The following PKP2 variants were observed in gnomAD, a reference collection of about 807,000 sequenced individuals.
The protein encoded by PKP2 is plakophilin 2.
PKP2 carries 73 observed loss-of-function variants against 83.4 expected under a neutral mutation model. That is an observed-to-expected ratio of 0.88 (90% confidence interval 0.72 to 1.06). The LOEUF (loss-of-function observed/expected upper bound fraction) is 1.06. Ranked by LOEUF, PKP2 falls within the 50% of genes least tolerant of loss-of-function variation. The pLI, the probability that PKP2 is intolerant of heterozygous loss-of-function variation, is 0.00. For synonymous variants in PKP2, 409 were observed against 430.4 expected (o/e 0.95, Z 0.62); for missense variants, 966 against 1,065.4 (o/e 0.91, Z 1.30).
At chr12:32,873,745 G>A (rs1317592024) in intron 3 of PKP2, among the ~76,000 whole-genome samples, 2 of 152,008 alleles carry the variant, frequency 1.3e-5, no homozygotes, top group African/African-American at 4.8e-5. Context: ...GGCCAGGCTG[G>A]TCTCAAACTC....
intron 1 of PKP2, among the ~76,000 whole-genome samples, chr12:32,882,069 A>G (rs1956991690): frequency 2.0e-5 from 3 of 152,142 alleles, no homozygotes; most frequent in African/African-American, 7.2e-5. Flanking sequence ...GAGTGCTTAC[A>G]CTATCCCCAC....
intron 5 of PKP2, among the ~76,000 whole-genome samples, chr12:32,847,950 A>G (rs916677570): frequency 5.9e-5 from 9 of 152,048 alleles, no homozygotes; most frequent in African/African-American, 2.2e-4. Context: ...CAAAAACAAA[A>G]AAACCCCAAA....
chr12:32,860,546 A>T (rs1956788812), intron 4 of PKP2, among the ~76,000 whole-genome samples: 1 of 152,180 alleles, frequency 6.6e-6, no homozygotes, highest in Non-Finnish European at 1.5e-5. Context: ...GGTTCCACTT[A>T]ACAAATCTTA....
intron 10 of PKP2, among the ~76,000 whole-genome samples, chr12:32,796,741 G>A (rs1956129834): frequency 6.6e-6 from 1 of 151,920 alleles, no homozygotes; most frequent in Admixed American, 6.6e-5. Context: ...AACAACACAT[G>A]GAAAGATGTA....
rs1220351172 is a variant in PKP2 at position 32,886,734 on chromosome 12, G to GCAAT, written c.224-7706_224-7703dup. ...TGGCTGGGCAGGGTGGCTCACACTA[G>GCAAT]CAATCCTAGCACTTGGGGAGGCTGA... On this transcript the variant is annotated intron_variant, in intron 1 of 12. Coordinates refer to ENST00000340811, the MANE Select transcript of PKP2 (RefSeq NM_001005242.3). 1.2e-4 allele frequency among the ~76,000 whole-genome samples: 19 copies of GCAAT among 152,314 alleles called. No individual in the cohort carries two copies. In the East Asian group the frequency reaches 3.7e-3, roughly 29 times the overall value.
chr12:32,879,495 G>T (rs1295358833), intron 1 of PKP2, among the ~76,000 whole-genome samples: 1 of 152,006 alleles, frequency 6.6e-6, no homozygotes, highest in Non-Finnish European at 1.5e-5. Flanking sequence ...TCACACAATT[G>T]CACTCCAGCC....
chr12:32,794,305 T>C (rs1474357951), intron 11 of PKP2, among the ~76,000 whole-genome samples: 1 of 152,214 alleles, frequency 6.6e-6, no homozygotes, highest in African/African-American at 2.4e-5. Flanking sequence ...ATTCATAATA[T>C]TTGTTTATAA....
intron 5 of PKP2, chr12:32,843,337 T>TA (rs760984583): frequency 7.3e-7 from 1 of 1,364,382 alleles, no homozygotes; most frequent in Non-Finnish European, 9.8e-7. Context: ...AGAGGAAGCA[T>TA]AGGTACTCAG....
chr12:32,867,794 G>C (rs1349158305), intron 4 of PKP2, among the ~76,000 whole-genome samples: 1 of 152,232 alleles, frequency 6.6e-6, no homozygotes, highest in Non-Finnish European at 1.5e-5. Flanking sequence ...GATTGAAAGA[G>C]ACAGAACAGA....
Position 32,889,194 on chromosome 12 carries a change from T to C in PKP2, c.223+7315A>G, listed in dbSNP as rs1202458436. Among the ~76,000 whole-genome samples, 4 of 152,158 alleles carry C rather than the reference T, an allele frequency of 2.6e-5. No individual in the cohort carries two copies. In the East Asian group the frequency reaches 7.7e-4, roughly 29 times the overall value. ...GGAGGGGTAGAAATACCAAGCAAGA[T>C]AAACTGCCTGTGTGTGTTTGGTGGG... On this transcript the variant is annotated intron_variant, in intron 1 of 12. Transcript: ENST00000340811.
At chr12:32,813,863 A>G (rs1375110205) in intron 9 of PKP2, among the ~76,000 whole-genome samples, 1 of 152,166 alleles carries the variant, frequency 6.6e-6, no homozygotes, top group African/African-American at 2.4e-5. Context: ...TTATTAAAAC[A>G]TAACTTTTAT....
chr12:32,875,420 GGGTATT>G (rs1214485425), intron 3 of PKP2, among the ~76,000 whole-genome samples: 1 of 152,190 alleles, frequency 6.6e-6, no homozygotes, highest in Non-Finnish European at 1.5e-5. Context: ...CAGGTGGTTT[GGGTATT>G]GGTATGTGGG....
intron 4 of PKP2, among the ~76,000 whole-genome samples, chr12:32,867,307 G>A (rs748782159): frequency 1.6e-4 from 25 of 152,162 alleles, no homozygotes; most frequent in Non-Finnish European, 3.5e-4. Flanking sequence ...CAGCCTAAGC[G>A]ACACAGTGAG....
intron 6 of PKP2, among the ~76,000 whole-genome samples, chr12:32,832,297 G>A (rs1956507783): frequency 6.6e-6 from 1 of 151,996 alleles, no homozygotes; most frequent in Non-Finnish European, 1.5e-5. Context: ...AGAATTACTT[G>A]AACCTGGGAA....
chr12:32,877,722 A>C, intron 3 of PKP2, 124 bp downstream of exon 3: 1 of 791,180 alleles, frequency 1.3e-6, no homozygotes, highest in Non-Finnish European at 2.2e-6. Flanking sequence ...AAAAGTCATT[A>C]TTTTAATCAC....
At chr12:32,806,409 A>G (rs906465637) in intron 9 of PKP2, among the ~76,000 whole-genome samples, 1 of 152,054 alleles carries the variant, frequency 6.6e-6, no homozygotes, top group African/African-American at 2.4e-5. Context: ...TTGGTCTACT[A>G]AGGGATTCGA....
At chr12:32,800,733 T>A (rs1956171124) in intron 10 of PKP2, among the ~76,000 whole-genome samples, 1 of 152,228 alleles carries the variant, frequency 6.6e-6, no homozygotes, top group African/African-American at 2.4e-5. Context: ...GAAGTCTCCC[T>A]CCTTTTAGTA....
At position 32,896,626 on chromosome 12, in the gene PKP2, C is replaced by T. The variant is rs750606970; in HGVS notation, c.106G>A (p.Ala36Thr). The T allele has an allele frequency of 2.5e-6, 4 of 1,581,106 alleles. No individual in the cohort carries two copies. The South Asian group carries it at 3.4e-5, about 13-fold the overall frequency. The change falls in exon 1 of 13, where the codon GCC becomes ACC. Residue 36 changes from alanine to threonine, a missense_variant. Ala to Thr is a moderately conservative substitution (Grantham distance 58). Transcript: ENST00000340811. ...CTGCTCCCCGCCAGCTTCAGCTTGG[C>T]CTCGGAGGGCAGCGCCAGGCTGGAG... ...DSSSLALPSE[A>T]KLKLAGSSGR...
chr12:32,884,375 A>G (rs1368966587), intron 1 of PKP2, among the ~76,000 whole-genome samples: 1 of 152,004 alleles, frequency 6.6e-6, no homozygotes, highest in Non-Finnish European at 1.5e-5. Context: ...AATTACTTGA[A>G]CCCAGGAGGC....
Sources: gnomAD v4.1 joint callset for allele counts (sites outside exome capture counted in the v4.1 genomes callset) on GRCh38, gnomAD v4.1.1 for gene constraint, MANE v1.5 for transcripts, NCBI Gene and HGNC (gene_info 2026-07-23, HGNC 2026-07-21) for gene names.